Variants in DMD observed in about 807,000 individuals in gnomAD.
The protein encoded by DMD is mutant dystrophin.
Under a neutral mutation model 330.1 loss-of-function variants are expected in DMD, and 63 were observed. The observed-to-expected ratio is 0.19, with a 90% CI of 0.16 to 0.24. The LOEUF (loss-of-function observed/expected upper bound fraction) is 0.24. Among genes scored for constraint, DMD ranks in the 10% least tolerant of loss-of-function variants. DMD has a pLI of 1.00. For synonymous variants in DMD, 1,223 were observed against 959.8 expected, an observed-to-expected ratio of 1.27 and a Z score of -5.07; for missense variants, 3,344 against 2,684.1, an observed-to-expected ratio of 1.25 and a Z score of -5.43.
intron 41 of DMD, among the ~76,000 whole-genome samples, chrX:32,317,516 C>A (rs1485677026): frequency 9.0e-6 from 1 of 110,969 alleles, no homozygotes; most frequent in African/African-American, 3.3e-5. Flanking sequence ...TCTTGAAGGG[C>A]CATAACTGCA....
chrX:32,182,350 A>T (rs1054868580), intron 44 of DMD, among the ~76,000 whole-genome samples: 2 of 112,147 alleles, frequency 1.8e-5, no homozygotes, highest in Non-Finnish European at 3.8e-5. Flanking sequence ...ACATACCTCT[A>T]CCTAAATACA....
chrX:32,175,295 CA>C lies in DMD; in HGVS notation c.6438+41620del, dbSNP rs775657561. ...CTTACAAGAGGATTGTAAAACGCAC[CA>C]ATCAGCGCTCTGTAAAATGCACCAA... is the stretch of plus-strand genomic sequence containing the variant. On this transcript the variant is annotated intron_variant, in intron 44 of 78. Coordinates refer to ENST00000357033, the MANE Select transcript of DMD (RefSeq NM_004006.3). 4.0e-4 allele frequency among the ~76,000 whole-genome samples: 44 copies of C among 109,852 alleles called. No homozygotes were observed. In the East Asian group the frequency reaches 9.2e-3, roughly 23 times the overall value.
chrX:31,745,371 T>C (rs1354644768), intron 51 of DMD, among the ~76,000 whole-genome samples: 1 of 111,429 alleles, frequency 9.0e-6, no homozygotes, highest in Non-Finnish European at 1.9e-5. Flanking sequence ...GGACATCATG[T>C]TGAAGGCCAT....
chrX:32,101,517 C>A (rs939964097), intron 44 of DMD, among the ~76,000 whole-genome samples: 1 of 111,846 alleles, frequency 8.9e-6, no homozygotes, highest in African/African-American at 3.2e-5. Context: ...AATTGGTTCC[C>A]AGAATTTCAC....
At chrX:32,893,536 TTG>T (rs2085416385) in intron 2 of DMD, among the ~76,000 whole-genome samples, 1 of 112,369 alleles carries the variant, frequency 8.9e-6, no homozygotes. Context: ...AATTTACTCT[TTG>T]TCTTATCAAA....
intron 2 of DMD, among the ~76,000 whole-genome samples, chrX:32,874,748 C>G (rs991564141): frequency 2.7e-5 from 3 of 111,874 alleles, no homozygotes; most frequent in African/African-American, 9.7e-5. Flanking sequence ...CTTTTAGCCT[C>G]TTTATGGGTT....
chrX:31,612,196 T>G (rs922707979), intron 55 of DMD, among the ~76,000 whole-genome samples: 2 of 111,438 alleles, frequency 1.8e-5, no homozygotes, highest in African/African-American at 6.5e-5. Flanking sequence ...ATTTGACTGT[T>G]GTAGGTAGCT....
intron 2 of DMD, among the ~76,000 whole-genome samples, chrX:32,947,077 T>TA (rs2090871299): frequency 8.9e-6 from 1 of 112,220 alleles, no homozygotes; most frequent in Non-Finnish European, 1.9e-5. Context: ...CTAGTATCTC[T>TA]AAAAAACACT....
Position 32,389,713 on chromosome X carries a change from C to G in DMD, c.4345-39G>C, listed in dbSNP as rs72468643. 5.8e-4 allele frequency: 666 copies of G among 1,146,940 alleles called. No homozygotes were observed. Among genetic ancestry groups the G allele is most frequent in the Non-Finnish European group, 5.3e-4 (443 of 840,939 alleles). 94.5% of individuals were successfully genotyped at this position (1,146,940 alleles called of 1,213,427 possible). On this transcript the variant is annotated intron_variant, in intron 31 of 78. Coordinates refer to ENST00000357033, the MANE Select transcript of DMD (RefSeq NM_004006.3). ...GTAAAAAGGCACTGATTTAATTTTG[C>G]CTTTCAAACAATAACTGGTCCTATT... is the stretch of plus-strand genomic sequence containing the variant.
chrX:32,982,083 T>A (rs1265253817), intron 2 of DMD, among the ~76,000 whole-genome samples: 1 of 111,973 alleles, frequency 8.9e-6, no homozygotes, highest in African/African-American at 3.2e-5. Context: ...ATAAACTGTA[T>A]GTTTCTATAA....
chrX:32,709,868 T>C (rs2065025611), intron 7 of DMD, among the ~76,000 whole-genome samples: 1 of 111,763 alleles, frequency 8.9e-6, no homozygotes. Flanking sequence ...AGGAACTTCC[T>C]TTAGATTGTT....
At chrX:31,957,835 C>T (rs1037394607) in intron 45 of DMD, among the ~76,000 whole-genome samples, 23 of 110,959 alleles carry the variant, frequency 2.1e-4, no homozygotes, top group African/African-American at 6.6e-4. Flanking sequence ...CTATATTAAA[C>T]CAAGGTAAGG....
chrX:32,698,113 A>C, intron 8 of DMD, 115 bp from the exon 9 acceptor site: 1 of 837,024 alleles, frequency 1.2e-6, no homozygotes, highest in Non-Finnish European at 1.7e-6. Context: ...AAATGGTGAG[A>C]TTCAATGTTT....
At chrX:31,664,664 G>GT (rs57784016) in intron 53 of DMD, among the ~76,000 whole-genome samples, 1,201 of 82,191 alleles carry the variant, frequency 0.015, 19 homozygotes, top group African/African-American at 0.033. Context: ...TGTATCATAA[G>GT]TTTTTTTTTT....
chrX:31,609,629 A>G (rs1384160363), intron 55 of DMD, among the ~76,000 whole-genome samples: 1 of 112,107 alleles, frequency 8.9e-6, no homozygotes, highest in African/African-American at 3.2e-5. Flanking sequence ...TTTTGTAAAT[A>G]GAAAAGTAAA....
At chrX:31,885,624 A>G (rs1323803811) in intron 47 of DMD, among the ~76,000 whole-genome samples, 3 of 88,787 alleles carry the variant, frequency 3.4e-5, no homozygotes, top group Admixed American at 1.4e-4. Context: ...AAAAAAAAAA[A>G]AAAAAAAAAA....
At chrX:31,801,784 T>C (rs937422645) in intron 50 of DMD, among the ~76,000 whole-genome samples, 11 of 111,234 alleles carry the variant, frequency 9.9e-5, no homozygotes, top group African/African-American at 3.3e-5. Context: ...AAGCTCACAA[T>C]TGAGTAGGGG....
chrX:33,291,977 A>G (rs1450615955), intron 1 of DMD, among the ~76,000 whole-genome samples: 1 of 111,887 alleles, frequency 8.9e-6, no homozygotes, highest in Non-Finnish European at 1.9e-5. Context: ...CATTGTCCAC[A>G]TTATCTCAAG....
At chrX:31,896,434 T>C (rs979525903) in intron 47 of DMD, among the ~76,000 whole-genome samples, 2 of 111,962 alleles carry the variant, frequency 1.8e-5, no homozygotes, top group African/African-American at 3.2e-5. Context: ...TGGTTCATTA[T>C]TAAGAAAACA....
Sources: allele counts gnomAD v4.1 joint callset (sites outside exome capture counted in the v4.1 genomes callset), GRCh38; gene constraint gnomAD v4.1.1; transcripts MANE v1.5; gene names NCBI Gene and HGNC (gene_info 2026-07-23, HGNC 2026-07-21).